Variants in SOX6 observed in about 807,000 individuals in gnomAD.
The protein encoded by SOX6 is SRY-box transcription factor 6, also known as transcription factor SOX-6.
A neutral mutation model predicts 97.8 loss-of-function variants in SOX6; 11 were observed. That is an observed-to-expected ratio of 0.11 (90% confidence interval 0.07 to 0.19). The LOEUF (loss-of-function observed/expected upper bound fraction) is 0.19. Ranked by LOEUF, SOX6 falls within the 10% of genes least tolerant of loss-of-function variation. The probability of loss-of-function intolerance (pLI) is 1.00; values close to 1 mark genes in which losing one functional copy is unlikely to be tolerated. For synonymous variants in SOX6, 360 were observed against 371.4 expected, an observed-to-expected ratio of 0.97 and a Z score of 0.35; for missense variants, 810 against 1,039.5, an observed-to-expected ratio of 0.78 and a Z score of 3.04.
At chr11:16,183,594 T>C (rs1028217375) in intron 6 of SOX6, among the ~76,000 whole-genome samples, 6 of 151,978 alleles carry the variant, frequency 3.9e-5, no homozygotes, top group African/African-American at 9.7e-5. Context: ...AAAAATACCA[T>C]CTGTATGCTA....
intron 12 of SOX6, among the ~76,000 whole-genome samples, chr11:16,021,808 G>A (rs1340858079): frequency 1.3e-5 from 2 of 151,994 alleles, no homozygotes; most frequent in East Asian, 1.9e-4. Flanking sequence ...TATATCTACT[G>A]GTGTAGAAGC....
chr11:16,180,082 C>A (rs1297524131), intron 6 of SOX6, among the ~76,000 whole-genome samples: 2 of 151,544 alleles, frequency 1.3e-5, no homozygotes, highest in Non-Finnish European at 3.0e-5. Context: ...AGATTCAAAA[C>A]CATGGCCTGG....
intron 4 of SOX6, among the ~76,000 whole-genome samples, chr11:16,213,746 G>A (rs1852291384): frequency 6.6e-6 from 1 of 152,068 alleles, no homozygotes; most frequent in African/African-American, 2.4e-5. Flanking sequence ...AAAAAAGTCT[G>A]TATTTCTTGC....
chr11:15,984,385 G>A (rs576382654), intron 15 of SOX6, among the ~76,000 whole-genome samples: 27 of 152,202 alleles, frequency 1.8e-4, no homozygotes, highest in Non-Finnish European at 3.2e-4. Flanking sequence ...GCCCCACTAT[G>A]TATCACTACA....
intron 6 of SOX6, among the ~76,000 whole-genome samples, chr11:16,141,087 C>A (rs1409174073): frequency 1.3e-5 from 2 of 150,850 alleles, no homozygotes; most frequent in African/African-American, 4.9e-5. Context: ...GCACTCTAGC[C>A]TAGGCAAGAG....
At chr11:16,332,581 G>A (rs1028066369) in intron 2 of SOX6, among the ~76,000 whole-genome samples, 3 of 151,974 alleles carry the variant, frequency 2.0e-5, no homozygotes, top group African/African-American at 7.2e-5. Context: ...ATTTTCCAGG[G>A]TGCTAATGAA....
In SOX6 at chr11:16,232,651, C is replaced by T. The variant is rs147484475; in HGVS notation, c.535+1931G>A. 1.1e-3 allele frequency among the ~76,000 whole-genome samples: 164 copies of T among 152,062 alleles called. 1 individual carries two copies. The highest frequency in any genetic ancestry group is 3.7e-3 in the African/African-American group (152 of 41,514). ...ACAAAAACTCCATGTTGAATTATAACATAATAAAATGTTAGTTTTCACATT... is the reference window on the plus strand; with the variant it reads ...ACAAAAACTCCATGTTGAATTATAATATAATAAAATGTTAGTTTTCACATT... On this transcript the variant is annotated intron_variant, in intron 4 of 15. Coordinates refer to ENST00000683767, the MANE Select transcript of SOX6 (RefSeq NM_001367873.1).
chr11:16,647,887 C>G (rs1849036464), intron 3 of SOX6, among the ~76,000 whole-genome samples: 2 of 152,242 alleles, frequency 1.3e-5, no homozygotes, highest in South Asian at 4.1e-4. Flanking sequence ...GGAAGCCATC[C>G]CTGACTATAT....
intron 3 of SOX6, among the ~76,000 whole-genome samples, chr11:16,617,597 GC>G (rs1848486952): frequency 6.6e-6 from 1 of 151,746 alleles, no homozygotes; most frequent in South Asian, 2.1e-4. Flanking sequence ...CAGTGATAAG[GC>G]CTAGTTCTAC....
chr11:16,197,681 G>T (rs1052337657), intron 4 of SOX6, among the ~76,000 whole-genome samples: 1 of 152,104 alleles, frequency 6.6e-6, no homozygotes, highest in Admixed American at 6.6e-5. Context: ...TCTCATCAGT[G>T]TATTATGAAA....
At chr11:16,711,644 C>T (rs1181482912) in intron 3 of SOX6, among the ~76,000 whole-genome samples, 2 of 152,180 alleles carry the variant, frequency 1.3e-5, no homozygotes, top group Admixed American at 6.5e-5. Flanking sequence ...TCAACTTATG[C>T]CAGTCTCCCC....
At chr11:16,606,197 TTTCTCTC>T (rs1210465283) in intron 4 of SOX6, among the ~76,000 whole-genome samples, 4 of 151,414 alleles carry the variant, frequency 2.6e-5, no homozygotes, top group South Asian at 4.2e-4. Context: ...TGCCTTTCTC[TTTCTCTC>T]TTCTCTCTTT....
chr11:16,284,238 A>G (rs1854666305), intron 3 of SOX6, among the ~76,000 whole-genome samples: 1 of 152,078 alleles, frequency 6.6e-6, no homozygotes, highest in Non-Finnish European at 1.5e-5. Context: ...ATTTTCATAG[A>G]GTTTATGTTA....
At chr11:16,016,009 A>G (rs1428533010) in intron 12 of SOX6, among the ~76,000 whole-genome samples, 1 of 152,064 alleles carries the variant, frequency 6.6e-6, no homozygotes, top group Non-Finnish European at 1.5e-5. Context: ...TACTTAATGC[A>G]TTATGCAGCA....
chr11:16,229,767 A>G (rs1852794268), intron 4 of SOX6, among the ~76,000 whole-genome samples: 1 of 151,894 alleles, frequency 6.6e-6, no homozygotes, highest in African/African-American at 2.4e-5. Context: ...TTAAAAAGAA[A>G]TCTCCAAAGA....
intron 1 of SOX6, among the ~76,000 whole-genome samples, chr11:16,381,367 A>G (rs1269739465): frequency 6.6e-6 from 1 of 152,044 alleles, no homozygotes; most frequent in Non-Finnish European, 1.5e-5. Context: ...ACTTCTGCAC[A>G]TGGAAAAGCT....
At chr11:16,577,949 C>G (rs1226059709) in intron 4 of SOX6, among the ~76,000 whole-genome samples, 1 of 152,080 alleles carries the variant, frequency 6.6e-6, no homozygotes, top group African/African-American at 2.4e-5. Context: ...CATCTTTTCT[C>G]TTTTCATTTG....
chr11:16,299,377 A>C (rs1450441260), intron 3 of SOX6, among the ~76,000 whole-genome samples: 1 of 152,170 alleles, frequency 6.6e-6, no homozygotes, highest in Non-Finnish European at 1.5e-5. Context: ...AAAATGTTAG[A>C]AAATTAGCTT....
intron 3 of SOX6, among the ~76,000 whole-genome samples, chr11:16,655,336 G>C (rs1340087505): frequency 1.3e-5 from 2 of 152,124 alleles, no homozygotes; most frequent in Admixed American, 1.3e-4. Flanking sequence ...AAAGGATTTT[G>C]ACAACTTTAT....
Sources: gnomAD v4.1 joint callset for allele counts (sites outside exome capture counted in the v4.1 genomes callset) on GRCh38, gnomAD v4.1.1 for gene constraint, MANE v1.5 for transcripts, NCBI Gene and HGNC (gene_info 2026-07-23, HGNC 2026-07-21) for gene names.